GAS7: variants seen among roughly 807,000 people sequenced by gnomAD.
GAS7 encodes growth arrest-specific protein 7.
GAS7 carries 28 observed loss-of-function variants against 71.1 expected under a neutral mutation model. The observed-to-expected ratio is 0.39, with a 90% confidence interval of 0.29 to 0.54. The LOEUF is 0.54. Among genes scored for constraint, GAS7 ranks in the 20% least tolerant of loss-of-function variants. GAS7 has a pLI of 0.62. For missense variants in GAS7, 436 were observed against 627.8 expected, an observed-to-expected ratio of 0.69 and a Z score of 3.27; for synonymous variants, 258 against 245.8, an observed-to-expected ratio of 1.05 and a Z score of -0.46.
chr17:9,921,003 C>T (rs1450151813), intron 11 of GAS7, among the ~76,000 whole-genome samples: 1 of 152,172 alleles, frequency 6.6e-6, no homozygotes, highest in Non-Finnish European at 1.5e-5. Context: ...CTATGCCACA[C>T]ACCAGACGCG....
intron 2 of GAS7, among the ~76,000 whole-genome samples, chr17:9,998,553 G>A (rs908482065): frequency 2.6e-5 from 4 of 152,146 alleles, no homozygotes; most frequent in South Asian, 2.1e-4. Context: ...GGTGTCTTGA[G>A]CCCAGGAGCT....
Position 9,959,477 on chromosome 17 carries a change from C to T in GAS7, c.472-222G>A, listed in dbSNP as rs2069391150. The T allele has an allele frequency of 7.0e-7, 1 of 1,419,082 alleles. No individual in the cohort carries two copies. The highest frequency in any genetic ancestry group is 9.2e-7 in the Non-Finnish European group (1 of 1,089,286). The allele number at this position is 1,419,082 out of a possible 1,614,324, so 87.9% of individuals were successfully genotyped here. A position where few individuals can be genotyped will look rare whatever the true frequency, so the allele number is the denominator to read the frequency against. The stretch of plus-strand genomic sequence containing the variant: ...GAAGGCGAATTAAGGAAGCCTCCTG[C>T]ACAGGCTCTGAGAGAACTGCTCCAA... On this transcript the variant is annotated intron_variant, in intron 4 of 13. Transcript: ENST00000432992. The surrounding 1 kb of genome is among the most constrained non-coding windows in gnomAD (Gnocchi z 5.0).
intron 1 of GAS7, among the ~76,000 whole-genome samples, chr17:10,116,435 C>T (rs2073862187): frequency 1.3e-5 from 2 of 152,104 alleles, no homozygotes; most frequent in South Asian, 4.1e-4. Context: ...TGCTGCAGGG[C>T]TTACCCCGGG....
intron 1 of GAS7, among the ~76,000 whole-genome samples, chr17:10,193,742 C>T (rs930339385): frequency 1.3e-5 from 2 of 152,144 alleles, no homozygotes; most frequent in Non-Finnish European, 2.9e-5. Context: ...GTGAAGATGA[C>T]ATTTTGGAGG....
At chr17:10,165,485 C>A (rs958166146) in intron 1 of GAS7, among the ~76,000 whole-genome samples, 3 of 152,126 alleles carry the variant, frequency 2.0e-5, no homozygotes, top group Non-Finnish European at 2.9e-5. Flanking sequence ...ATCTCTACCT[C>A]CTCTTCTTTA....
At chr17:10,023,705 T>C in intron 1 of GAS7, among the ~76,000 whole-genome samples, 1 of 152,222 alleles carries the variant, frequency 6.6e-6, no homozygotes, top group East Asian at 1.9e-4. Flanking sequence ...TGGGTACACG[T>C]TTTCCCTTTG....
Position 9,912,813 on chromosome 17 carries a change from CGAAAGGCT to C in GAS7, c.*4407_*4414del. 4.3e-6 allele frequency: 1 copy of C among 232,326 alleles called. No homozygotes were observed. Among genetic ancestry groups the C allele is most frequent in the Non-Finnish European group, 8.5e-6 (1 of 117,538 alleles). The allele number at this position is 232,326 out of a possible 1,614,324, so 14.4% of individuals were successfully genotyped here. ...GACCCTGGGCCAAGAACTTCCAGGG[CGAAAGGCT>C]CAGTGTAAAAATAAAGAAGCAGAGT... On this transcript the variant is annotated 3_prime_UTR_variant, in exon 14 of 14. Coordinates refer to ENST00000432992, the MANE Select transcript of GAS7 (RefSeq NM_201433.2).
chr17:9,925,377 C>G, intron 11 of GAS7, 99 bp downstream of exon 11: 2 of 1,261,278 alleles, frequency 1.6e-6, no homozygotes, highest in Non-Finnish European at 2.3e-6. Flanking sequence ...TGCAGTCTTG[C>G]AAAGGAGAGA....
chr17:10,000,316 T>C (rs370700929), intron 2 of GAS7, among the ~76,000 whole-genome samples: 2 of 152,176 alleles, frequency 1.3e-5, no homozygotes, highest in African/African-American at 2.4e-5. Context: ...CGAGAAACAC[T>C]GGTCTAGAAG....
intron 1 of GAS7, among the ~76,000 whole-genome samples, chr17:10,063,532 A>T (rs2073242997): frequency 6.6e-6 from 1 of 152,172 alleles, no homozygotes; most frequent in Non-Finnish European, 1.5e-5. Flanking sequence ...TATTCCAGAG[A>T]ATGAATTCAA....
chr17:10,111,317 G>GC (rs375711357), intron 1 of GAS7, among the ~76,000 whole-genome samples: 150,706 of 150,734 alleles, frequency 1, 75,339 homozygotes, highest in Middle Eastern at 1. Context: ...GGCGGATGAT[G>GC]GGTAAGGAGA....
chr17:10,149,669 A>G (rs2074148845), intron 1 of GAS7, among the ~76,000 whole-genome samples: 1 of 152,226 alleles, frequency 6.6e-6, no homozygotes, highest in Non-Finnish European at 1.5e-5. Flanking sequence ...AGCATTATTC[A>G]CAATAGCTAG....
At chr17:10,188,246 A>G (rs895087754) in intron 1 of GAS7, among the ~76,000 whole-genome samples, 20 of 146,152 alleles carry the variant, frequency 1.4e-4, no homozygotes, top group African/African-American at 5.1e-4. Flanking sequence ...CCACCTCAAG[A>G]AAAAAAAAAA....
chr17:10,117,521 G>C (rs1025783071), intron 1 of GAS7, among the ~76,000 whole-genome samples: 1 of 152,174 alleles, frequency 6.6e-6, no homozygotes. Flanking sequence ...ACGGAAGGCG[G>C]AGGACAGAGG....
intron 2 of GAS7, among the ~76,000 whole-genome samples, chr17:10,005,111 G>A (rs1192942482): frequency 1.3e-5 from 2 of 151,780 alleles, no homozygotes; most frequent in Non-Finnish European, 2.9e-5. Flanking sequence ...GCATGTGTGT[G>A]CGTGTGCACG....
At chr17:9,918,595 C>T (rs2067677177) in intron 12 of GAS7, among the ~76,000 whole-genome samples, 1 of 152,230 alleles carries the variant, frequency 6.6e-6, no homozygotes, top group South Asian at 2.1e-4. Context: ...CTCCATGCCA[C>T]ACATTCCTGG....
Position 9,921,955 on chromosome 17 carries a change from T to C in GAS7, c.1139-2250A>G, listed in dbSNP as rs868142227. Reference sequence around the variant, plus strand: ...GCCTGGGCGACAGAGCAAGACTCCATCTCAAAAAAAAAAAAAAAAAAGCCT... The same window carrying C: ...GCCTGGGCGACAGAGCAAGACTCCACCTCAAAAAAAAAAAAAAAAAAGCCT... On this transcript the variant is annotated intron_variant, in intron 11 of 13. Coordinates refer to ENST00000432992, the MANE Select transcript of GAS7 (RefSeq NM_201433.2). Among the ~76,000 whole-genome samples the C allele has an allele frequency of 1.8e-5, 2 of 112,366 alleles. 1 individual carries two copies. The highest frequency in any genetic ancestry group is 9.9e-3 in the Middle Eastern group (2 of 202). The allele number at this position is 112,366 out of a possible 152,430, so 73.7% of individuals were successfully genotyped here.
chr17:10,133,116 T>TACATATATATA (rs1319814933), intron 1 of GAS7, among the ~76,000 whole-genome samples: 1 of 144,370 alleles, frequency 6.9e-6, no homozygotes, highest in Non-Finnish European at 1.5e-5. Context: ...GATTATATAT[T>TACATATATATA]TTTATATTTT....
At chr17:10,117,945 G>A (rs1203620339) in intron 1 of GAS7, among the ~76,000 whole-genome samples, 2 of 152,194 alleles carry the variant, frequency 1.3e-5, no homozygotes, top group African/African-American at 2.4e-5. Flanking sequence ...GCGGCTGGAA[G>A]GACAAACTAG....
Sources: allele counts gnomAD v4.1 joint callset (sites outside exome capture counted in the v4.1 genomes callset), GRCh38; gene constraint gnomAD v4.1.1; non-coding constraint Gnocchi (gnomAD v3.1); transcripts MANE v1.5; gene names NCBI Gene and HGNC (gene_info 2026-07-23, HGNC 2026-07-21).